The following NEMP2 variants were observed in gnomAD, a reference collection of about 807,000 sequenced individuals.
NEMP2 encodes UPF0571 transmembrane protein.
NEMP2 carries 53 observed loss-of-function variants against 54.2 expected under a neutral mutation model. That is an observed-to-expected ratio of 0.98 (90% CI 0.78 to 1.23). The LOEUF (loss-of-function observed/expected upper bound fraction) is 1.23, where lower values mean the gene tolerates loss of function less well. NEMP2 is among the 50% of genes most tolerant of loss of function. The pLI is 0.00. For missense variants in NEMP2, 455 were observed against 511.3 expected, an observed-to-expected ratio of 0.89 and a Z score of 1.06; for synonymous variants, 197 against 190.3, an observed-to-expected ratio of 1.04 and a Z score of -0.29.
the NEMP2 span, chr2:190,497,919 C>T: frequency 4.0e-6 from 2 of 505,438 alleles, no homozygotes; most frequent in South Asian, 4.1e-5. This position sits in a 1 kb window ranked among gnomAD's most constrained non-coding sequence, Gnocchi z 5.2. Flanking sequence ...GAATATTCTG[C>T]CTTATGGAGT....
At chr2:190,432,106 G>A in the NEMP2 span, among the ~76,000 whole-genome samples, 2 of 152,194 alleles carry the variant, frequency 1.3e-5, no homozygotes, top group Admixed American at 1.3e-4. Context: ...TTAGTGGAAG[G>A]TCTTGATAAC....
the NEMP2 span, chr2:190,436,473 C>A: frequency 6.2e-7 from 1 of 1,614,196 alleles, no homozygotes; most frequent in East Asian, 2.2e-5. The surrounding 1 kb of genome is among the most constrained non-coding windows in gnomAD (Gnocchi z 5.3). Flanking sequence ...TCAACCTGGG[C>A]ATTGGATTTG....
the NEMP2 span, among the ~76,000 whole-genome samples, chr2:190,645,194 G>GA: frequency 1.3e-5 from 2 of 152,014 alleles, no homozygotes; most frequent in Non-Finnish European, 2.9e-5. Context: ...TATATATAAG[G>GA]AATAAGCCTG....
At chr2:190,462,795 C>G in the NEMP2 span, among the ~76,000 whole-genome samples, 1 of 152,146 alleles carries the variant, frequency 6.6e-6, no homozygotes, top group African/African-American at 2.4e-5. This position sits in a 1 kb window ranked among gnomAD's most constrained non-coding sequence, Gnocchi z 5.7. Flanking sequence ...TACTGTCAGC[C>G]CTGCTACTTC....
At chr2:190,480,452 T>G in the NEMP2 span, among the ~76,000 whole-genome samples, 2 of 152,242 alleles carry the variant, frequency 1.3e-5, no homozygotes, top group African/African-American at 4.8e-5. Flanking sequence ...TTATTAAGTA[T>G]CTGAAGAAAA....
the NEMP2 span, chr2:190,464,933 C>T: frequency 1.0e-6 from 1 of 982,358 alleles, no homozygotes; most frequent in Non-Finnish European, 1.2e-6. Context: ...GTGGATTTAG[C>T]CATATTATAG....
the NEMP2 span, among the ~76,000 whole-genome samples, chr2:190,569,676 G>C: frequency 6.6e-6 from 1 of 152,088 alleles, no homozygotes; most frequent in South Asian, 2.1e-4. Flanking sequence ...GACTCACAAG[G>C]GTGCTTCCAT....
chr2:190,545,527 T>C, the NEMP2 span, among the ~76,000 whole-genome samples: 1 of 152,248 alleles, frequency 6.6e-6, no homozygotes, highest in Admixed American at 6.5e-5. Flanking sequence ...GAAAGAGATT[T>C]ATGTATGATT....
the NEMP2 span, among the ~76,000 whole-genome samples, chr2:190,452,576 T>TA: frequency 6.6e-6 from 1 of 152,338 alleles, no homozygotes; most frequent in Non-Finnish European, 1.5e-5. Context: ...AGCTGCTACC[T>TA]TATAGCTTCA....
rs1177970589 is a variant in NEMP2 at position 190,529,933 on chromosome 2, T to C, written c.98-4555A>G. ...TGCACTTCCCCCTTGCCCTACCCCA[T>C]GGCCAATACATCCATAGCTAGAGGG... On this transcript the variant is annotated intron_variant, in intron 1 of 8. Transcript: ENST00000409150. This position sits in a 1 kb window ranked among gnomAD's most constrained non-coding sequence, Gnocchi z 4.7. 6.6e-6 allele frequency among the ~76,000 whole-genome samples: 1 copy of C among 152,218 alleles called. No individual in the cohort carries two copies. The highest frequency in any genetic ancestry group is 1.5e-5 in the Non-Finnish European group (1 of 68,024).
chr2:190,608,586 G>A, the NEMP2 span: 1 of 152,176 alleles, frequency 6.6e-6, no homozygotes, highest in Non-Finnish European at 1.5e-5. The surrounding 1 kb of genome is among the most constrained non-coding windows in gnomAD (Gnocchi z 4.9). Context: ...GAGCCTGTAT[G>A]AAGACAAGCA....
At chr2:190,571,626 A>C in the NEMP2 span, among the ~76,000 whole-genome samples, 1 of 152,090 alleles carries the variant, frequency 6.6e-6, no homozygotes, top group Admixed American at 6.5e-5. Flanking sequence ...CTCTCTTACG[A>C]ATTTCCAGGT....
the NEMP2 span, chr2:190,469,654 GT>G: frequency 1.7e-6 from 1 of 576,828 alleles, no homozygotes; most frequent in Non-Finnish European, 2.6e-6. The surrounding 1 kb of genome is among the most constrained non-coding windows in gnomAD (Gnocchi z 5.3). Flanking sequence ...GAAAAGGTAG[GT>G]AATATTTGCA....
chr2:190,534,725 C>A (rs1691307635), upstream of NEMP2: 1 of 1,142,778 alleles, frequency 8.8e-7, no homozygotes, highest in South Asian at 3.8e-5. Flanking sequence ...GCGGAAGTGG[C>A]GCGGGGGCTC....
At chr2:190,440,726 C>A in the NEMP2 span, among the ~76,000 whole-genome samples, 4 of 152,190 alleles carry the variant, frequency 2.6e-5, no homozygotes, top group Non-Finnish European at 4.4e-5. Context: ...GAAATTCTTA[C>A]ACTCAAGGTC....
the NEMP2 span, among the ~76,000 whole-genome samples, chr2:190,428,239 G>GT: frequency 3.3e-5 from 5 of 152,170 alleles, no homozygotes; most frequent in Non-Finnish European, 7.3e-5. Flanking sequence ...TACAATTTAT[G>GT]TATCTGCTGT....
At chr2:190,449,318 A>T in the NEMP2 span, among the ~76,000 whole-genome samples, 4 of 152,128 alleles carry the variant, frequency 2.6e-5, no homozygotes, top group African/African-American at 4.8e-5. Flanking sequence ...TACTAAAAAT[A>T]CAAAAATTAG....
At chr2:190,562,345 C>T in the NEMP2 span, among the ~76,000 whole-genome samples, 18 of 152,326 alleles carry the variant, frequency 1.2e-4, no homozygotes, top group East Asian at 2.5e-3. The surrounding 1 kb of genome is among the most constrained non-coding windows in gnomAD (Gnocchi z 5.0). Flanking sequence ...AGCAGCACCA[C>T]GGTGGGGCTC....
the NEMP2 span, among the ~76,000 whole-genome samples, chr2:190,424,766 G>A: frequency 2.6e-5 from 4 of 152,154 alleles, no homozygotes; most frequent in Non-Finnish European, 2.9e-5. The surrounding 1 kb of genome is among the most constrained non-coding windows in gnomAD (Gnocchi z 5.9). Context: ...GATTTGTTCT[G>A]GGTTCTGTAT....
Sources: gnomAD v4.1 joint callset for allele counts (sites outside exome capture counted in the v4.1 genomes callset) on GRCh38, gnomAD v4.1.1 for gene constraint, Gnocchi (gnomAD v3.1) non-coding constraint, MANE v1.5 for transcripts, NCBI Gene and HGNC (gene_info 2026-07-23, HGNC 2026-07-21) for gene names.